The following SLC22A3 variants were observed in gnomAD, a reference collection of about 807,000 sequenced individuals.
SLC22A3 encodes solute carrier family 22 member 3.
In SLC22A3, 51 loss-of-function variants were observed where a neutral mutation model predicts 59.1. The ratio of observed to expected loss-of-function variants is 0.86; its 90% CI spans 0.69 to 1.09. The LOEUF (loss-of-function observed/expected upper bound fraction) is 1.09. Ranked by LOEUF, SLC22A3 falls within the 50% of genes least tolerant of loss-of-function variation. The pLI, the probability that SLC22A3 is intolerant of heterozygous loss-of-function variation, is 0.00. For synonymous variants in SLC22A3, 325 were observed against 292.0 expected, an observed-to-expected ratio of 1.11 and a Z score of -1.15; for missense variants, 711 against 726.3, an observed-to-expected ratio of 0.98 and a Z score of 0.24.
At chr6:160,449,738 C>A (rs1452988066) in intron 10 of SLC22A3, among the ~76,000 whole-genome samples, 2 of 152,116 alleles carry the variant, frequency 1.3e-5, no homozygotes, top group African/African-American at 4.8e-5. Flanking sequence ...TTCTATTTTC[C>A]ATAAGTGTTG....
chr6:160,390,193 G>A (rs1036847506), intron 1 of SLC22A3, among the ~76,000 whole-genome samples: 2 of 152,174 alleles, frequency 1.3e-5, no homozygotes, highest in Non-Finnish European at 2.9e-5. Context: ...CTTAGCCTGA[G>A]TGGCCTAAAA....
chr6:160,433,580 C>A (rs944047568), intron 5 of SLC22A3, among the ~76,000 whole-genome samples: 1 of 151,780 alleles, frequency 6.6e-6, no homozygotes, highest in African/African-American at 2.4e-5. Flanking sequence ...CTGTGGCATG[C>A]ACCTGTGGTA....
At position 160,387,916 on chromosome 6, in the gene SLC22A3, C is replaced by A. The variant is rs426804; in HGVS notation, c.430-10063C>A. Among the ~76,000 whole-genome samples, 417 of 152,228 alleles carry A rather than the reference C, an allele frequency of 2.7e-3. 1 individual carries two copies. The highest frequency in any genetic ancestry group is 4.5e-3 in the Non-Finnish European group (305 of 68,024). ...CTAACTCCTTTTATTATGGGCATGA[C>A]CTTGTTTCTGTACTCCCAGCCTCCA... On this transcript the variant is annotated intron_variant, in intron 1 of 10. Transcript: ENST00000275300.
intron 5 of SLC22A3, among the ~76,000 whole-genome samples, chr6:160,434,535 G>A (rs750254675): frequency 1.2e-4 from 19 of 152,274 alleles, no homozygotes; most frequent in Middle Eastern, 6.8e-3. Context: ...AATAATCCAC[G>A]TAAAGTGCTT....
At chr6:160,349,745 G>A (rs1003054916) in intron 1 of SLC22A3, among the ~76,000 whole-genome samples, 16 of 152,180 alleles carry the variant, frequency 1.1e-4, no homozygotes, top group African/African-American at 3.9e-4. Context: ...GTAATAATCG[G>A]AACTCAGAAA....
At chr6:160,355,520 G>A (rs958732464) in intron 1 of SLC22A3, among the ~76,000 whole-genome samples, 1 of 152,002 alleles carries the variant, frequency 6.6e-6, no homozygotes, top group Non-Finnish European at 1.5e-5. Context: ...CCAGCACTTT[G>A]GGAGGCCAAG....
chr6:160,424,721 C>T lies in SLC22A3; in HGVS notation c.976-12059C>T, dbSNP rs530377586. On this transcript the variant is annotated intron_variant, in intron 5 of 10. Transcript: ENST00000275300. ...ATAGGATGGGTTGAGTACCACGGTT[C>T]CCAGTTGCCTGTCTCTGAAAGATGA... Among the ~76,000 whole-genome samples, 7 of 152,316 alleles carry T rather than the reference C, an allele frequency of 4.6e-5. 1 individual carries two copies. The South Asian group carries it at 1.4e-3, about 32-fold the overall frequency.
In SLC22A3 at chr6:160,451,151, C is replaced by A; in HGVS notation, c.*95C>A. 1.8e-6 allele frequency: 2 copies of A among 1,090,752 alleles called. No homozygotes were observed. Among genetic ancestry groups the A allele is most frequent in the Non-Finnish European group, 2.8e-6 (2 of 726,512 alleles). 67.6% of individuals were successfully genotyped at this position (1,090,752 alleles called of 1,614,324 possible). On this transcript the variant is annotated 3_prime_UTR_variant, in exon 11 of 11. Transcript: ENST00000275300. ...GAGATGCACGTGTGCATTTCAGCTA[C>A]ATCATGCCGCGCTGTTGTAATACTG...
At chr6:160,358,181 G>T (rs79907881) in intron 1 of SLC22A3, among the ~76,000 whole-genome samples, 1,800 of 152,330 alleles carry the variant, frequency 0.012, 15 homozygotes, top group Non-Finnish European at 0.018. Flanking sequence ...AGGTGGCTAA[G>T]AACGTAGACT....
At chr6:160,446,029 C>T (rs144251481) in intron 9 of SLC22A3, among the ~76,000 whole-genome samples, 1 of 152,286 alleles carries the variant, frequency 6.6e-6, no homozygotes, top group Admixed American at 6.5e-5. Flanking sequence ...AAGAGGAAAG[C>T]AGGAGGCCTA....
intron 4 of SLC22A3, among the ~76,000 whole-genome samples, chr6:160,410,525 G>A (rs1298478611): frequency 6.6e-6 from 1 of 152,140 alleles, no homozygotes; most frequent in Admixed American, 6.5e-5. Context: ...GATGAGCAAT[G>A]ATCCAATTAT....
intron 5 of SLC22A3, among the ~76,000 whole-genome samples, chr6:160,432,152 C>T (rs1195797002): frequency 6.6e-6 from 1 of 152,130 alleles, no homozygotes; most frequent in African/African-American, 2.4e-5. Flanking sequence ...TTCTCATTGG[C>T]CCGAATTGGG....
At chr6:160,396,352 T>C (rs1270501458) in intron 1 of SLC22A3, among the ~76,000 whole-genome samples, 1 of 152,228 alleles carries the variant, frequency 6.6e-6, no homozygotes, top group African/African-American at 2.4e-5. Flanking sequence ...GTAAGTCTGA[T>C]GGTTTCCATT....
At chr6:160,401,872 A>G (rs1294051402) in intron 2 of SLC22A3, among the ~76,000 whole-genome samples, 1 of 151,992 alleles carries the variant, frequency 6.6e-6, no homozygotes, top group African/African-American at 2.4e-5. Flanking sequence ...TTAAAAAAGC[A>G]TGACTGATAT....
At chr6:160,376,667 T>C (rs371045024) in intron 1 of SLC22A3, among the ~76,000 whole-genome samples, 8 of 152,212 alleles carry the variant, frequency 5.3e-5, no homozygotes, top group East Asian at 1.9e-4. Flanking sequence ...TGAAGGCTGC[T>C]GCATCGCTCT....
intron 9 of SLC22A3, among the ~76,000 whole-genome samples, chr6:160,444,872 G>A (rs1434112202): frequency 3.3e-5 from 5 of 152,168 alleles, no homozygotes; most frequent in Admixed American, 6.5e-5. Flanking sequence ...ACAAAGAGTC[G>A]GCTTCTACCA....
At chr6:160,393,149 G>A (rs1246555997) in intron 1 of SLC22A3, among the ~76,000 whole-genome samples, 1 of 151,940 alleles carries the variant, frequency 6.6e-6, no homozygotes, top group Non-Finnish European at 1.5e-5. Context: ...AATCTCTTAA[G>A]TGAGAATTTG....
intron 5 of SLC22A3, among the ~76,000 whole-genome samples, chr6:160,414,458 G>A (rs1201270593): frequency 6.6e-6 from 1 of 152,082 alleles, no homozygotes; most frequent in Non-Finnish European, 1.5e-5. Flanking sequence ...AGTTGAGTGT[G>A]TTTATTTAAA....
chr6:160,354,977 C>T (rs1337756453), intron 1 of SLC22A3, among the ~76,000 whole-genome samples: 2 of 152,178 alleles, frequency 1.3e-5, no homozygotes, highest in Admixed American at 6.5e-5. Context: ...CAACCTTCCT[C>T]CTGCAGTCCC....
Sources: gnomAD v4.1 joint callset for allele counts (sites outside exome capture counted in the v4.1 genomes callset) on GRCh38, gnomAD v4.1.1 for gene constraint, MANE v1.5 for transcripts, NCBI Gene and HGNC (gene_info 2026-07-23, HGNC 2026-07-21) for gene names.